ECEL1: variants seen among roughly 807,000 people sequenced by gnomAD.
ECEL1 encodes the protein endothelin-converting enzyme-like 1.
Under a neutral mutation model 101.8 loss-of-function variants are expected in ECEL1, and 87 were observed. The ratio of observed to expected loss-of-function variants is 0.85; its 90% CI spans 0.72 to 1.02. ECEL1 has a LOEUF of 1.02. ECEL1 is among the 50% of genes least tolerant of loss of function. The pLI is 0.00. For synonymous variants in ECEL1, 487 were observed against 468.7 expected, an observed-to-expected ratio of 1.04 and a Z score of -0.50; for missense variants, 1,032 against 1,079.2, an observed-to-expected ratio of 0.96 and a Z score of 0.61.
chr2:232,487,341 C>T (rs1001880234), intron 1 of ECEL1, among the ~76,000 whole-genome samples: 1 of 152,170 alleles, frequency 6.6e-6, no homozygotes, highest in Non-Finnish European at 1.5e-5. Flanking sequence ...CGCCAACGCC[C>T]CAGGGTGGCG....
In ECEL1 at chr2:232,483,842, G is replaced by T. The variant is rs73007663; in HGVS notation, c.1407+159C>A. On this transcript the variant is annotated intron_variant, in intron 7 of 17. Coordinates refer to ENST00000304546, the MANE Select transcript of ECEL1 (RefSeq NM_004826.4). ...CTTCCTGGAGGAGGAGGCCTGTGGA[G>T]GAGCAGCCTGGGGCCTCAGAATCGG... Among the ~76,000 whole-genome samples the T allele has an allele frequency of 0.048, 7,236 of 152,306 alleles. 190 individuals carry two copies. The highest frequency in any genetic ancestry group is 0.065 in the Non-Finnish European group (4,449 of 68,024).
At position 232,480,237 on chromosome 2, in the gene ECEL1, C is replaced by T; in HGVS notation, c.2244G>A (p.Val748=). Residue 748 remains valine, a synonymous_variant, in exon 18 of 18, where the codon GTG becomes GTA. Transcript: ENST00000304546. Reference sequence around the variant, plus strand: ...CCCGGCCAAACTCCTCAAACTGGGACACACTGCCCAGCACCCTGGGGTGGG... The same window carrying T: ...CCCGGCCAAACTCCTCAAACTGGGATACACTGCCCAGCACCCTGGGGTGGG... ...APEHYRVLGS[V]SQFEEFGRAF... 2 of 1,613,992 alleles carry T rather than the reference C, an allele frequency of 1.2e-6. No homozygotes were observed. Among genetic ancestry groups the T allele is most frequent in the Non-Finnish European group, 8.5e-7 (1 of 1,179,964 alleles).
intron 7 of ECEL1, 105 bp from the exon 8 acceptor site, chr2:232,483,619 A>C: frequency 3.3e-6 from 3 of 909,148 alleles, no homozygotes; most frequent in Non-Finnish European, 3.2e-6. Context: ...CTAAGCCCAA[A>C]CCTCATTTCT....
At position 232,483,189 on chromosome 2, in the gene ECEL1, G is replaced by C. The variant is rs762090965; in HGVS notation, c.1507-10C>G. 6.3e-7 allele frequency: 1 copy of C among 1,595,924 alleles called. No individual in the cohort carries two copies. The highest frequency in any genetic ancestry group is 1.1e-5 in the South Asian group (1 of 88,582). On this transcript the variant is annotated splice_polypyrimidine_tract_variant and intron_variant, in intron 8 of 17. Coordinates refer to ENST00000304546, the MANE Select transcript of ECEL1 (RefSeq NM_004826.4). ...CCATCATGTACTGGAGCTGCGGGCC[G>C]AGGGCAGGTGAAGGTGGCACCAGGC...
At position 232,485,919 on chromosome 2, in the gene ECEL1, G is replaced by A; in HGVS notation, c.735C>T (p.Phe245=). ...AQGVYSAAAL[F]SLTVSLDDRN... is the part of the protein sequence containing the mutation. The stretch of plus-strand genomic sequence containing the variant: ...TGTCGTCCAGGCTGACCGTGAGCGA[G>A]AAGAGCGCGGCGGCGCTGTACACGC... The change falls in exon 2 of 18, where the codon TTC becomes TTT. Residue 245 remains phenylalanine, a synonymous_variant. Transcript: ENST00000304546. 1 of 1,575,466 alleles carries A rather than the reference G, an allele frequency of 6.3e-7. No individual in the cohort carries two copies. The highest frequency in any genetic ancestry group is 8.6e-7 in the Non-Finnish European group (1 of 1,162,888).
intron 6 of ECEL1, 110 bp from the exon 7 acceptor site, chr2:232,484,333 C>T: frequency 1.3e-6 from 2 of 1,560,876 alleles, no homozygotes; most frequent in Non-Finnish European, 1.7e-6. Context: ...AGGACCCAGA[C>T]AGCCCCACAA....
In ECEL1 at chr2:232,486,558, G is replaced by T; in HGVS notation, c.96C>A (p.Ser32=). 1 of 1,368,470 alleles carries T rather than the reference G, an allele frequency of 7.3e-7. No individual in the cohort carries two copies. Among genetic ancestry groups the T allele is most frequent in the South Asian group, 1.7e-5 (1 of 57,230 alleles). 84.8% of individuals were successfully genotyped at this position (1,368,470 alleles called of 1,614,324 possible). ...RCGAGGARGA[S]LPPGFPLGAA... is the part of the protein sequence containing the mutation. ...CGCCCAACGGGAAGCCCGGGGGCAGGGAGGCCCCGCGCGCGCCCCCCGCGC... is the reference window on the plus strand; with the variant it reads ...CGCCCAACGGGAAGCCCGGGGGCAGTGAGGCCCCGCGCGCGCCCCCCGCGC... Residue 32 remains serine (S), a synonymous_variant, in exon 2 of 18, where the codon TCC becomes TCA. Transcript: ENST00000304546.
chr2:232,484,788 G>A lies in ECEL1; in HGVS notation c.1059+13C>T. 1.2e-6 allele frequency: 2 copies of A among 1,613,700 alleles called. No homozygotes were observed. Among genetic ancestry groups the A allele is most frequent in the Non-Finnish European group, 1.7e-6 (2 of 1,179,986 alleles). On this transcript the variant is annotated intron_variant, in intron 5 of 17. Coordinates refer to ENST00000304546, the MANE Select transcript of ECEL1 (RefSeq NM_004826.4). ...TCAACCCTGCCTGCCCACGAGGACT[G>A]GGCCACACTCACGTGGGGGGTGATC... is the stretch of plus-strand genomic sequence containing the variant.
At position 232,483,472 on chromosome 2, in the gene ECEL1, G is replaced by T. The variant is rs148278283; in HGVS notation, c.1450C>A (p.Arg484Ser). 1.2e-6 allele frequency: 2 copies of T among 1,612,220 alleles called. No individual in the cohort carries two copies. The highest frequency in any genetic ancestry group is 1.3e-5 in the African/African-American group (1 of 74,998). Reference sequence around the variant, plus strand: ...TCCATCCAGTCCAGCTCCTCCAGGCGCTGGCCCAGGATGTACTTGATGTCT... The same window carrying T: ...TCCATCCAGTCCAGCTCCTCCAGGCTCTGGCCCAGGATGTACTTGATGTCT... The part of the protein sequence containing the change: ...VEDIKYILGQ[R>S]LEELDWMDAE... Residue 484 changes from arginine (R) to serine (S), a missense_variant, in exon 8 of 18, where the codon CGC (arginine) becomes AGC (serine). Arg to Ser is a moderately radical substitution (Grantham distance 110). Coordinates refer to ENST00000304546, the MANE Select transcript of ECEL1 (RefSeq NM_004826.4).
At position 232,484,848 on chromosome 2, in the gene ECEL1, T is replaced by C; in HGVS notation, c.1012A>G (p.Met338Val). The C allele has an allele frequency of 6.2e-7, 1 of 1,613,972 alleles. No homozygotes were observed. The highest frequency in any genetic ancestry group is 8.5e-7 in the Non-Finnish European group (1 of 1,179,984). Residue 338 changes from methionine (M) to valine (V), a missense_variant, in exon 5 of 18, where the codon ATG (methionine) becomes GTG (valine). Physicochemically the swap from Met to Val is conservative, Grantham distance 21 (BLOSUM62 1). Transcript: ENST00000304546. ...TGCCCCAGCGTCACCTTGTTGTACA[T>C]GGAGCTGACATCTCGCCGTAGGTCG... is the stretch of plus-strand genomic sequence containing the variant. The part of the protein sequence containing the change: ...HDDLRRDVSS[M>V]YNKVTLGQLQ...
At position 232,481,049 on chromosome 2, in the gene ECEL1, G is replaced by T. The variant is rs372019780; in HGVS notation, c.2055+42C>A. ...TCATCTGGAGTCCTCATCAGCCCCC[G>T]TCCCTCCTGCAGCAGGGGTGGAGCA... On this transcript the variant is annotated intron_variant, in intron 15 of 17. Coordinates refer to ENST00000304546, the MANE Select transcript of ECEL1 (RefSeq NM_004826.4). The T allele has an allele frequency of 7.8e-5, 121 of 1,547,720 alleles. 1 individual carries two copies. Among genetic ancestry groups the T allele is most frequent in the Admixed American group, 9.8e-5 (5 of 51,010 alleles).
intron 1 of ECEL1, 54 bp from the exon 2 acceptor site, chr2:232,486,808 G>A (rs879807233): frequency 1.3e-6 from 1 of 797,380 alleles, no homozygotes; most frequent in Non-Finnish European, 1.7e-6. Context: ...ATGGGGCTCA[G>A]GGTCACCGCG....
At chr2:232,480,530 C>A (rs1559272095) in intron 16 of ECEL1, 55 bp from the exon 17 acceptor site, 24 of 1,602,676 alleles carry the variant, frequency 1.5e-5, no homozygotes, top group Non-Finnish European at 2.0e-5. Context: ...CAGGCATCCG[C>A]CCCCTTGCCC....
At chr2:232,481,271 A>G in intron 14 of ECEL1, 115 bp from the exon 15 acceptor site, 1 of 1,393,208 alleles carries the variant, frequency 7.2e-7, no homozygotes, top group South Asian at 1.3e-5. Flanking sequence ...TCCCTTGCCC[A>G]GAGAGTTTGA....
rs1418713071 is a variant in ECEL1, at chr2:232,486,566, C to G, written c.88G>C (p.Gly30Arg). The change falls in exon 2 of 18, where the codon GGG becomes CGG. Residue 30 changes from glycine to arginine, a missense_variant. Transcript: ENST00000304546. ...VSRCGAGGAR[G>R]ASLPPGFPLG... ...GGGAAGCCCGGGGGCAGGGAGGCCC[C>G]GCGCGCGCCCCCCGCGCCGCAGCGG... 2 of 1,376,450 alleles carry G rather than the reference C, an allele frequency of 1.5e-6. No individual in the cohort carries two copies. The highest frequency in any genetic ancestry group is 3.4e-5 in the South Asian group (2 of 58,992). 85.3% of individuals were successfully genotyped at this position (1,376,450 alleles called of 1,614,324 possible). A position where few individuals can be genotyped will look rare whatever the true frequency, so the allele number is the denominator to read the frequency against.
Position 232,481,640 on chromosome 2 carries a change from G to A in ECEL1, c.1865-10C>T, listed in dbSNP as rs1434811018. 1.2e-6 allele frequency: 2 copies of A among 1,613,174 alleles called. No homozygotes were observed. Among genetic ancestry groups the A allele is most frequent in the South Asian group, 2.2e-5 (2 of 91,080 alleles). ...CGGTCATACTGGCCCCCTGTGGGCA[G>A]TGCAGCAGGCTGAGACCCACCCTCA... On this transcript the variant is annotated splice_polypyrimidine_tract_variant and intron_variant, in intron 13 of 17. Coordinates refer to ENST00000304546, the MANE Select transcript of ECEL1 (RefSeq NM_004826.4).
chr2:232,483,178 A>AGCT lies in ECEL1; in HGVS notation c.1507-2_1507dup (p.Lys502_Leu503insGln), dbSNP rs971576250. The AGCT allele has an allele frequency of 1.9e-6, 3 of 1,601,974 alleles. No individual in the cohort carries two copies. Among genetic ancestry groups the AGCT allele is most frequent in the Non-Finnish European group, 2.6e-6 (3 of 1,175,316 alleles). ...GCCGACCATCACCATCATGTACTGG[A>AGCT]GCTGCGGGCCGAGGGCAGGTGAAGG... is the stretch of plus-strand genomic sequence containing the variant. On this transcript the variant is annotated inframe_insertion and splice_region_variant, in exon 9 of 18. Transcript: ENST00000304546.
At chr2:232,481,875 C>G (rs1690589052) in intron 12 of ECEL1, 26 bp from the exon 13 acceptor site, 1 of 1,613,196 alleles carries the variant, frequency 6.2e-7, no homozygotes. Context: ...CAGCATCAGG[C>G]CCTAGCCCTC....
rs139879040 is a variant in ECEL1 at position 232,483,727 on chromosome 2, C to A, written c.1408-213G>T. Among the ~76,000 whole-genome samples the A allele has an allele frequency of 1.7e-3, 259 of 152,372 alleles. 1 individual carries two copies. Among genetic ancestry groups the A allele is most frequent in the Non-Finnish European group, 2.8e-3 (188 of 68,036 alleles). ...AAACTGCCCCAGCAATGACCACAGA[C>A]ATCCCTAAGGCCACGCCTCCCGAGC... On this transcript the variant is annotated intron_variant, in intron 7 of 17. Transcript: ENST00000304546.
Sources: allele counts gnomAD v4.1 joint callset (sites outside exome capture counted in the v4.1 genomes callset), GRCh38; gene constraint gnomAD v4.1.1; transcripts MANE v1.5; gene names NCBI Gene and HGNC (gene_info 2026-07-23, HGNC 2026-07-21).